Variants in RANBP2 observed in about 807,000 individuals in gnomAD.
The protein encoded by RANBP2 is E3 SUMO-protein ligase RanBP2.
A neutral mutation model predicts 303.6 loss-of-function variants in RANBP2; 57 were observed. That is an observed-to-expected ratio of 0.19 (90% confidence interval 0.15 to 0.23). The LOEUF is 0.23. Among genes scored for constraint, RANBP2 ranks in the 10% least tolerant of loss-of-function variants. RANBP2 has a pLI of 1.00. For missense variants in RANBP2, 3,138 were observed against 3,780.8 expected, an observed-to-expected ratio of 0.83 and a Z score of 4.46; for synonymous variants, 1,167 against 1,301.5, an observed-to-expected ratio of 0.90 and a Z score of 2.23.
chr2:109,068,667 G>A, the RANBP2 span, among the ~76,000 whole-genome samples: 1 of 152,104 alleles, frequency 6.6e-6, no homozygotes, highest in Non-Finnish European at 1.5e-5. Flanking sequence ...TGTTGGACTT[G>A]GAGTCAGAGA....
At chr2:109,688,927 A>T in the RANBP2 span, among the ~76,000 whole-genome samples, 1 of 143,796 alleles carries the variant, frequency 7.0e-6, no homozygotes, top group Admixed American at 7.0e-5. Context: ...TTCCTTTTTT[A>T]AGACGGAGTT....
At chr2:109,365,436 TG>T in the RANBP2 span, among the ~76,000 whole-genome samples, 14 of 152,326 alleles carry the variant, frequency 9.2e-5, no homozygotes, top group Admixed American at 4.6e-4. Flanking sequence ...CTCTTCAATT[TG>T]GGGGGCAGCA....
the RANBP2 span, among the ~76,000 whole-genome samples, chr2:108,798,217 C>T: frequency 1.3e-5 from 2 of 152,114 alleles, no homozygotes; most frequent in African/African-American, 4.8e-5. Context: ...ACAGTGGACT[C>T]TTACTATAGT....
At chr2:109,584,059 T>C in the RANBP2 span, among the ~76,000 whole-genome samples, 7 of 152,198 alleles carry the variant, frequency 4.6e-5, no homozygotes, top group African/African-American at 9.7e-5. Context: ...ACCTGGGTAA[T>C]TGGATCACTT....
chr2:109,574,860 T>G, the RANBP2 span: 9 of 839,208 alleles, frequency 1.1e-5, no homozygotes, highest in Non-Finnish European at 1.4e-5. Flanking sequence ...ATATTTTCAC[T>G]AATTAATAAA....
the RANBP2 span, among the ~76,000 whole-genome samples, chr2:109,524,766 A>C: frequency 2.0e-5 from 3 of 151,908 alleles, no homozygotes; most frequent in African/African-American, 7.2e-5. Flanking sequence ...AAATAAATAA[A>C]TAAAAATTAA....
chr2:109,491,811 C>G, the RANBP2 span, among the ~76,000 whole-genome samples: 63 of 152,332 alleles, frequency 4.1e-4, no homozygotes, highest in African/African-American at 1.5e-3. Context: ...CCCAAAAAGA[C>G]AGTCCTGGTG....
chr2:108,794,390 T>C, the RANBP2 span: 3 of 691,298 alleles, frequency 4.3e-6, no homozygotes, highest in East Asian at 2.9e-5. Flanking sequence ...GTTACCACTT[T>C]ACCATATTTG....
At chr2:108,798,479 C>G in the RANBP2 span, 1 of 1,613,648 alleles carries the variant, frequency 6.2e-7, no homozygotes, top group East Asian at 2.2e-5. Context: ...AAAGCGAGAA[C>G]GTTTTTTACT....
chr2:109,603,580 T>G, the RANBP2 span, among the ~76,000 whole-genome samples: 1 of 152,116 alleles, frequency 6.6e-6, no homozygotes. Context: ...AAGGACAGAA[T>G]AACAGACCCC....
the RANBP2 span, among the ~76,000 whole-genome samples, chr2:109,387,700 C>A: frequency 6.6e-6 from 1 of 152,240 alleles, no homozygotes; most frequent in Non-Finnish European, 1.5e-5. Context: ...CACCATTCAA[C>A]GTCCTCTATG....
the RANBP2 span, among the ~76,000 whole-genome samples, chr2:109,049,037 A>G: frequency 3.3e-5 from 5 of 152,250 alleles, no homozygotes; most frequent in African/African-American, 1.2e-4. Flanking sequence ...CTTTGTGAAT[A>G]AGATGGGGAA....
chr2:108,776,937 T>G (rs571974990), intron 24 of RANBP2, among the ~76,000 whole-genome samples, 193 bp from the exon 25 acceptor site: 5 of 152,258 alleles, frequency 3.3e-5, no homozygotes, highest in Admixed American at 1.3e-4. Context: ...TAGTATTCTT[T>G]GTGAATAGCA....
At chr2:109,589,180 T>C in the RANBP2 span, among the ~76,000 whole-genome samples, 613 of 152,170 alleles carry the variant, frequency 4.0e-3, 6 homozygotes, top group African/African-American at 0.014. Flanking sequence ...TCTCACTCTG[T>C]CACCCAGGCT....
the RANBP2 span, chr2:109,545,469 C>T: frequency 1.1e-5 from 17 of 1,536,122 alleles, no homozygotes; most frequent in Middle Eastern, 1.7e-4. Flanking sequence ...CCTTTCTCTG[C>T]GTCTTTACGT....
the RANBP2 span, among the ~76,000 whole-genome samples, chr2:109,262,641 T>C: frequency 6.6e-6 from 1 of 152,244 alleles, no homozygotes; most frequent in Non-Finnish European, 1.5e-5. Context: ...GATATTAACC[T>C]TATTTTGAAT....
chr2:109,354,832 A>G, the RANBP2 span, among the ~76,000 whole-genome samples: 1 of 152,246 alleles, frequency 6.6e-6, no homozygotes, highest in Non-Finnish European at 1.5e-5. Context: ...GAGCTAGTAA[A>G]TGAGTTTAAA....
At chr2:108,820,168 GAGGCCA>G in the RANBP2 span, among the ~76,000 whole-genome samples, 2 of 152,180 alleles carry the variant, frequency 1.3e-5, no homozygotes, top group African/African-American at 4.8e-5. Context: ...AGTGCTTTGG[GAGGCCA>G]AGGCAGGAGG....
chr2:109,314,766 G>T, the RANBP2 span, among the ~76,000 whole-genome samples: 2 of 152,128 alleles, frequency 1.3e-5, no homozygotes, highest in Non-Finnish European at 2.9e-5. Context: ...AAATTATTTT[G>T]CCATTTTGGT....
Sources: allele counts gnomAD v4.1 joint callset (sites outside exome capture counted in the v4.1 genomes callset), GRCh38; gene constraint gnomAD v4.1.1; transcripts MANE v1.5; gene names NCBI Gene and HGNC (gene_info 2026-07-23, HGNC 2026-07-21).